The following ST7 variants were observed in gnomAD, a reference collection of about 807,000 sequenced individuals.
The protein encoded by ST7 is suppression of tumorigenicity 7.
A neutral mutation model predicts 78.7 loss-of-function variants in ST7; 28 were observed. The observed-to-expected ratio is 0.36, with a 90% confidence interval of 0.26 to 0.49. ST7 has a LOEUF of 0.49. Among genes scored for constraint, ST7 ranks in the 20% least tolerant of loss-of-function variants. The probability of loss-of-function intolerance (pLI) is 0.99; values close to 1 mark genes in which losing one functional copy is unlikely to be tolerated. For missense variants in ST7, 418 were observed against 696.0 expected (o/e 0.60, Z 4.49); for synonymous variants, 247 against 249.6 (o/e 0.99, Z 0.10).
chr7:117,063,596 C>T (rs141748546), intron 1 of ST7, among the ~76,000 whole-genome samples: 1,540 of 152,188 alleles, frequency 0.01, 29 homozygotes, highest in African/African-American at 0.036. Flanking sequence ...GTAGTCCCAG[C>T]TACCTGAGAG....
At chr7:117,146,963 T>G (rs1044754645) in intron 9 of ST7, among the ~76,000 whole-genome samples, 1 of 152,198 alleles carries the variant, frequency 6.6e-6, no homozygotes, top group East Asian at 1.9e-4. Context: ...TCTTAAAATA[T>G]AGTTGGTGAG....
At chr7:117,161,440 T>C (rs1428877799) in intron 9 of ST7, among the ~76,000 whole-genome samples, 1 of 151,722 alleles carries the variant, frequency 6.6e-6, no homozygotes, top group Middle Eastern at 3.2e-3. Flanking sequence ...TCTTTTCTTT[T>C]ATTTATTTTT....
At chr7:117,011,762 T>A (rs114444845) in intron 1 of ST7, among the ~76,000 whole-genome samples, 130 of 152,298 alleles carry the variant, frequency 8.5e-4, no homozygotes, top group African/African-American at 2.9e-3. Context: ...AACTTCTGAC[T>A]TAGGTGAACG....
intron 1 of ST7, chr7:116,972,503 C>T: frequency 1.0e-6 from 1 of 994,546 alleles, no homozygotes; most frequent in Non-Finnish European, 1.6e-6. Flanking sequence ...AAGTCTCTTT[C>T]AATGATCACC....
chr7:117,032,469 C>A (rs963054482), intron 1 of ST7, among the ~76,000 whole-genome samples: 2 of 151,962 alleles, frequency 1.3e-5, no homozygotes, highest in Non-Finnish European at 2.9e-5. Flanking sequence ...AGTTATCGAC[C>A]TTTTTGAGAC....
intron 12 of ST7, chr7:117,191,509 C>CA (rs1182011505): frequency 1.0e-3 from 1 of 980 alleles, no homozygotes; most frequent in African/African-American, 4.5e-3. Context: ...CCAATATTTC[C>CA]AATTTTTTTT....
chr7:117,205,070 A>C (rs910499455), intron 12 of ST7, among the ~76,000 whole-genome samples: 78 of 152,144 alleles, frequency 5.1e-4, no homozygotes, highest in Non-Finnish European at 2.9e-5. Context: ...CCCATCCCTT[A>C]AAAAATGCTT....
At chr7:117,203,157 G>A (rs1440582929) in intron 12 of ST7, among the ~76,000 whole-genome samples, 2 of 152,186 alleles carry the variant, frequency 1.3e-5, no homozygotes, top group Non-Finnish European at 2.9e-5. Context: ...AGTTACTGAA[G>A]GTCAGGGCAC....
At chr7:117,199,767 CT>C (rs1435304568) in intron 12 of ST7, among the ~76,000 whole-genome samples, 2 of 152,228 alleles carry the variant, frequency 1.3e-5, no homozygotes, top group African/African-American at 4.8e-5. Flanking sequence ...GGCCGTGCCC[CT>C]ATGAGGCAGG....
At chr7:116,968,719 G>A (rs1382322283) in intron 1 of ST7, 1 of 162,050 alleles carries the variant, frequency 6.2e-6, no homozygotes, top group Non-Finnish European at 1.4e-5. Flanking sequence ...AATGTGTAGA[G>A]CACAAAGGAG....
intron 1 of ST7, among the ~76,000 whole-genome samples, chr7:117,031,881 TA>T (rs1320264197): frequency 1.7e-4 from 23 of 138,540 alleles, no homozygotes; most frequent in African/African-American, 3.3e-4. Context: ...TATATATATA[TA>T]TTTTTTTTTT....
chr7:116,974,099 T>C (rs1297709250), intron 1 of ST7, among the ~76,000 whole-genome samples: 1 of 152,102 alleles, frequency 6.6e-6, no homozygotes, highest in Non-Finnish European at 1.5e-5. Context: ...TGGGAGAGGG[T>C]GAGGACAAAG....
chr7:117,079,968 CTT>C (rs34326752), intron 1 of ST7, among the ~76,000 whole-genome samples: 162 of 65,336 alleles, frequency 2.5e-3, no homozygotes, highest in African/African-American at 8.2e-3. Context: ...TTTGTCATTC[CTT>C]TTTTTTTTTT....
intron 3 of ST7, among the ~76,000 whole-genome samples, chr7:117,125,802 G>A (rs983298786): frequency 1.3e-5 from 2 of 151,992 alleles, no homozygotes; most frequent in African/African-American, 4.8e-5. Flanking sequence ...TTCCAGGGGA[G>A]TTTTTAAAAA....
chr7:117,156,687 C>G (rs907097103), intron 9 of ST7, among the ~76,000 whole-genome samples: 3 of 152,042 alleles, frequency 2.0e-5, no homozygotes, highest in Non-Finnish European at 4.4e-5. Context: ...GCAGGAGCAG[C>G]TGGAAAGGCA....
chr7:117,095,756 T>C (rs987880309), intron 1 of ST7, among the ~76,000 whole-genome samples: 4 of 152,152 alleles, frequency 2.6e-5, no homozygotes, highest in African/African-American at 9.7e-5. Context: ...GGAGGTGACC[T>C]TGATGTGTCT....
At chr7:117,033,006 G>GCATCT (rs1237870081) in intron 1 of ST7, among the ~76,000 whole-genome samples, 1 of 152,116 alleles carries the variant, frequency 6.6e-6, no homozygotes, top group Non-Finnish European at 1.5e-5. Flanking sequence ...TGTTGCTTTG[G>GCATCT]GCATCTTATC....
In ST7 at chr7:117,144,523, C is replaced by A. The variant is rs114417574; in HGVS notation, c.963+5991C>A. On this transcript the variant is annotated intron_variant, in intron 9 of 15. Coordinates refer to ENST00000323984, the MANE Select transcript of ST7 (RefSeq NM_001369598.1). ...GGTACATGCTTGTAATCCCCAGCTACCCAGGAGGCTGAGGTGGGAGGATCA... is the reference window on the plus strand; with the variant it reads ...GGTACATGCTTGTAATCCCCAGCTAACCAGGAGGCTGAGGTGGGAGGATCA... 7.6e-3 allele frequency among the ~76,000 whole-genome samples: 1,151 copies of A among 151,398 alleles called. 21 individuals carry two copies. The highest frequency in any genetic ancestry group is 0.026 in the African/African-American group (1,086 of 41,154).
In ST7 at chr7:117,067,589, TG is replaced by T. The variant is rs532487541; in HGVS notation, c.152-32168del. Among the ~76,000 whole-genome samples the T allele has an allele frequency of 2.9e-3, 443 of 152,176 alleles. 2 individuals are homozygous for T. Among genetic ancestry groups the T allele is most frequent in the African/African-American group, 1.0e-2 (415 of 41,504 alleles). On this transcript the variant is annotated intron_variant, in intron 1 of 15. Coordinates refer to ENST00000323984, the MANE Select transcript of ST7 (RefSeq NM_001369598.1). ...TGGGCCAGAGTGATGAGCTGTCTCC[TG>T]GGGGATGGTTGGGGTTGGGGAATTT... is the stretch of plus-strand genomic sequence containing the variant.
Sources: gnomAD v4.1 joint callset for allele counts (sites outside exome capture counted in the v4.1 genomes callset) on GRCh38, gnomAD v4.1.1 for gene constraint, MANE v1.5 for transcripts, NCBI Gene and HGNC (gene_info 2026-07-23, HGNC 2026-07-21) for gene names.